NECTIN3: variants seen among roughly 807,000 people sequenced by gnomAD.
The protein encoded by NECTIN3 is nectin cell adhesion molecule 3.
Under a neutral mutation model 49.4 loss-of-function variants are expected in NECTIN3, and 8 were observed. The observed-to-expected ratio is 0.16, with a 90% CI of 0.10 to 0.29. NECTIN3 has a LOEUF of 0.29. NECTIN3 is among the 10% of genes least tolerant of loss of function. The pLI is 1.00. For missense variants in NECTIN3, 581 were observed against 654.6 expected (o/e 0.89, Z 1.23); for synonymous variants, 277 against 241.1 (o/e 1.15, Z -1.38).
rs74951032 is a variant in NECTIN3 at position 111,102,224 on chromosome 3, A to G, written c.161-9806A>G. ...CAGTTTTCAAGAATGTACAATTTTA[A>G]GGTGATGAAACATTTTATAAACGTT... On this transcript the variant is annotated intron_variant, in intron 1 of 5. Coordinates refer to ENST00000485303, the MANE Select transcript of NECTIN3 (RefSeq NM_015480.3). Among the ~76,000 whole-genome samples, 838 of 152,308 alleles carry G rather than the reference A, an allele frequency of 5.5e-3. 15 individuals carry two copies. Among genetic ancestry groups the G allele is most frequent in the African/African-American group, 0.019 (770 of 41,582 alleles).
intron 1 of NECTIN3, among the ~76,000 whole-genome samples, chr3:111,107,090 T>C (rs1468845920): frequency 2.0e-5 from 3 of 152,168 alleles, no homozygotes; most frequent in Admixed American, 6.6e-5. Flanking sequence ...ACACTTTTAG[T>C]GTGTGTGATC....
intron 7 of NECTIN3, among the ~76,000 whole-genome samples, chr3:111,170,848 A>G (rs1204395976): frequency 6.6e-6 from 1 of 152,180 alleles, no homozygotes; most frequent in Admixed American, 6.5e-5. Context: ...GAGGAAGTGG[A>G]CAGATGGGCC....
intron 7 of NECTIN3, among the ~76,000 whole-genome samples, chr3:111,186,335 C>T (rs145917278): frequency 1.9e-3 from 292 of 152,220 alleles, no homozygotes; most frequent in Middle Eastern, 6.8e-3. Flanking sequence ...GTAACCAAAA[C>T]AGCATAGTAC....
chr3:111,158,400 A>G (rs949416436), intron 7 of NECTIN3, among the ~76,000 whole-genome samples: 1 of 152,078 alleles, frequency 6.6e-6, no homozygotes, highest in Non-Finnish European at 1.5e-5. Flanking sequence ...GTGGGCAGTA[A>G]TTCTTTAGAC....
upstream of NECTIN3, among the ~76,000 whole-genome samples, chr3:111,189,248 G>C (rs112821887): frequency 6.6e-6 from 1 of 152,122 alleles, no homozygotes; most frequent in African/African-American, 2.4e-5. Context: ...AGACATGAGG[G>C]ACTGCTGAAG....
chr3:111,095,584 T>C (rs909018733), intron 1 of NECTIN3, among the ~76,000 whole-genome samples: 1 of 152,200 alleles, frequency 6.6e-6, no homozygotes, highest in African/African-American at 2.4e-5. Flanking sequence ...CAGCTTTACA[T>C]ATTAATATGG....
chr3:111,143,170 C>G (rs551485279), intron 5 of NECTIN3, among the ~76,000 whole-genome samples: 2 of 151,830 alleles, frequency 1.3e-5, no homozygotes, highest in East Asian at 3.9e-4. Flanking sequence ...CTCACATTTA[C>G]AAGTGCAGAA....
At chr3:111,102,424 C>T (rs1199104413) in intron 1 of NECTIN3, among the ~76,000 whole-genome samples, 1 of 152,124 alleles carries the variant, frequency 6.6e-6, no homozygotes, top group Non-Finnish European at 1.5e-5. Flanking sequence ...ATTCATAATC[C>T]ATCAAAACCA....
At chr3:111,133,553 T>C in intron 5 of NECTIN3, 82 bp from the exon 6 acceptor site, 1 of 1,500,498 alleles carries the variant, frequency 6.7e-7, no homozygotes, top group Admixed American at 2.3e-5. Context: ...AACTGTGCTG[T>C]CTTGTCAACT....
At chr3:111,073,181 T>G (rs1220818849) in intron 1 of NECTIN3, among the ~76,000 whole-genome samples, 1 of 152,148 alleles carries the variant, frequency 6.6e-6, no homozygotes, top group Non-Finnish European at 1.5e-5. Context: ...TTGAGGGCTC[T>G]TGGTAAGAAA....
At chr3:111,123,708 T>A (rs997790957) in intron 4 of NECTIN3, among the ~76,000 whole-genome samples, 1 of 151,984 alleles carries the variant, frequency 6.6e-6, no homozygotes, top group African/African-American at 2.4e-5. Context: ...AACTCCAAAT[T>A]TTTTTTTGGA....
chr3:111,132,940 A>G (rs976605393), intron 5 of NECTIN3, among the ~76,000 whole-genome samples: 7 of 152,058 alleles, frequency 4.6e-5, no homozygotes, highest in African/African-American at 1.4e-4. Context: ...TCAGGCTAAC[A>G]TAAGTTTAAA....
chr3:111,137,844 G>A (rs2034636358), downstream of NECTIN3, among the ~76,000 whole-genome samples: 1 of 120,634 alleles, frequency 8.3e-6, no homozygotes, highest in Admixed American at 1.0e-4. Flanking sequence ...GTACAGGTTT[G>A]TTACACAGGT....
chr3:111,138,761 T>A (rs2034665256), downstream of NECTIN3, among the ~76,000 whole-genome samples: 1 of 151,662 alleles, frequency 6.6e-6, no homozygotes, highest in Admixed American at 6.6e-5. Flanking sequence ...TTTAGAGCAA[T>A]AACTTTAAAA....
At chr3:111,147,741 G>A (rs755484067) in intron 7 of NECTIN3, among the ~76,000 whole-genome samples, 9 of 152,120 alleles carry the variant, frequency 5.9e-5, no homozygotes, top group Non-Finnish European at 7.4e-5. Context: ...GGCCAGTATA[G>A]ATAAGACAAA....
At chr3:111,147,810 T>G (rs1363854804) in intron 7 of NECTIN3, among the ~76,000 whole-genome samples, 8 of 152,224 alleles carry the variant, frequency 5.3e-5, no homozygotes, top group Non-Finnish European at 1.2e-4. Context: ...TTAATACAGT[T>G]TTATTGACAT....
chr3:111,120,556 T>C lies in NECTIN3; in HGVS notation c.800-1565T>C, dbSNP rs141196150. Reference sequence around the variant, plus strand: ...AGTTACAAAAATATTTGTTAATCTTTGTTTTTTTTTAATTTCTGAGATAAT... The same window carrying C: ...AGTTACAAAAATATTTGTTAATCTTCGTTTTTTTTTAATTTCTGAGATAAT... On this transcript the variant is annotated intron_variant, in intron 3 of 5. Coordinates refer to ENST00000485303, the MANE Select transcript of NECTIN3 (RefSeq NM_015480.3). 3.1e-3 allele frequency among the ~76,000 whole-genome samples: 476 copies of C among 152,296 alleles called. 3 individuals are homozygous for C. The highest frequency in any genetic ancestry group is 4.6e-3 in the Non-Finnish European group (315 of 68,024).
At chr3:111,090,584 G>A (rs1474454418) in intron 1 of NECTIN3, among the ~76,000 whole-genome samples, 1 of 151,192 alleles carries the variant, frequency 6.6e-6, no homozygotes, top group Admixed American at 6.6e-5. Flanking sequence ...GTGTGTGTGT[G>A]TGTGTGTGTG....
At chr3:111,180,417 A>G (rs1181839066) in intron 7 of NECTIN3, among the ~76,000 whole-genome samples, 1 of 152,250 alleles carries the variant, frequency 6.6e-6, no homozygotes, top group Non-Finnish European at 1.5e-5. Context: ...AGTAACAATT[A>G]TGTATCTCAT....
Sources: gnomAD v4.1 joint callset for allele counts (sites outside exome capture counted in the v4.1 genomes callset) on GRCh38, gnomAD v4.1.1 for gene constraint, MANE v1.5 for transcripts, NCBI Gene and HGNC (gene_info 2026-07-23, HGNC 2026-07-21) for gene names.